The following MAP2K1 variants were observed in gnomAD, a reference collection of about 807,000 sequenced individuals.
MAP2K1 encodes the protein mitogen-activated protein kinase kinase 1, also known as dual specificity mitogen-activated protein kinase kinase 1.
MAP2K1 carries 16 observed loss-of-function variants against 46.3 expected under a neutral mutation model. That is an observed-to-expected ratio of 0.35 (90% confidence interval 0.23 to 0.52). The LOEUF (loss-of-function observed/expected upper bound fraction) is 0.52, where lower values mean the gene tolerates loss of function less well. MAP2K1 is among the 20% of genes least tolerant of loss of function. The pLI is 0.94. For synonymous variants in MAP2K1, 183 were observed against 185.6 expected, an observed-to-expected ratio of 0.99 and a Z score of 0.11; for missense variants, 263 against 497.1, an observed-to-expected ratio of 0.53 and a Z score of 4.48.
At chr15:66,393,085 G>T (rs1176440939) in intron 1 of MAP2K1, among the ~76,000 whole-genome samples, 1 of 152,144 alleles carries the variant, frequency 6.6e-6, no homozygotes, top group Non-Finnish European at 1.5e-5. Flanking sequence ...TGTTGTGAGA[G>T]AGTTTCCTGT....
chr15:66,449,018 A>C (rs1200539125), intron 5 of MAP2K1, among the ~76,000 whole-genome samples: 2 of 150,818 alleles, frequency 1.3e-5, no homozygotes, highest in African/African-American at 4.9e-5. Context: ...AAAAAAAAAA[A>C]AAAAAAAAAA....
chr15:66,439,174 C>T (rs1245698661), intron 3 of MAP2K1, among the ~76,000 whole-genome samples: 4 of 152,192 alleles, frequency 2.6e-5, no homozygotes, highest in Non-Finnish European at 5.9e-5. Context: ...TTCCCTTGGA[C>T]CTTCTGCTTT....
intron 1 of MAP2K1, among the ~76,000 whole-genome samples, chr15:66,419,507 C>T (rs1330608698): frequency 1.3e-5 from 2 of 149,956 alleles, no homozygotes; most frequent in Admixed American, 6.6e-5. Context: ...GTGACGGGAG[C>T]GAGACTCCAT....
At chr15:66,398,974 T>C (rs972969627) in intron 1 of MAP2K1, among the ~76,000 whole-genome samples, 1 of 152,150 alleles carries the variant, frequency 6.6e-6, no homozygotes, top group Non-Finnish European at 1.5e-5. Context: ...TGTTTCACCA[T>C]GTTGGCCAGG....
intron 5 of MAP2K1, among the ~76,000 whole-genome samples, chr15:66,460,155 G>T (rs573573318): frequency 6.6e-6 from 1 of 152,254 alleles, no homozygotes; most frequent in Non-Finnish European, 1.5e-5. Flanking sequence ...GTGTCAGACT[G>T]CCCTGCCTTA....
intron 1 of MAP2K1, among the ~76,000 whole-genome samples, chr15:66,399,535 T>C (rs763260588): frequency 2.7e-5 from 4 of 150,464 alleles, no homozygotes; most frequent in Admixed American, 6.6e-5. Context: ...CACTGCAGCC[T>C]CACCGTCTGG....
intron 5 of MAP2K1, among the ~76,000 whole-genome samples, chr15:66,462,603 GAA>G (rs56063254): frequency 8.3e-4 from 123 of 148,638 alleles, no homozygotes; most frequent in East Asian, 1.4e-3. Context: ...AGATTTTTCT[GAA>G]AAAAAAAAAT....
chr15:66,396,919 A>T (rs1595837548), intron 1 of MAP2K1, among the ~76,000 whole-genome samples: 1 of 149,512 alleles, frequency 6.7e-6, no homozygotes, highest in African/African-American at 2.5e-5. Context: ...TCCTGACCTC[A>T]GTTGATCTGC....
chr15:66,443,742 G>A (rs1054605244), intron 4 of MAP2K1, among the ~76,000 whole-genome samples: 5 of 151,952 alleles, frequency 3.3e-5, no homozygotes, highest in African/African-American at 1.2e-4. Context: ...GCGTGGTGGT[G>A]CACACGTGTA....
intron 1 of MAP2K1, chr15:66,414,893 A>G (rs931709833): frequency 3.9e-5 from 13 of 333,356 alleles, no homozygotes; most frequent in African/African-American, 2.7e-4. Flanking sequence ...GGCTCGGGCC[A>G]AGAAGGTCAT....
chr15:66,461,032 T>C (rs1301569234), intron 5 of MAP2K1, among the ~76,000 whole-genome samples: 1 of 152,172 alleles, frequency 6.6e-6, no homozygotes, highest in Non-Finnish European at 1.5e-5. Flanking sequence ...AGGCTGGGGC[T>C]GCCCTTTCCT....
chr15:66,413,911 C>CTTTT (rs10649963), intron 1 of MAP2K1, among the ~76,000 whole-genome samples: 93 of 111,406 alleles, frequency 8.3e-4, no homozygotes, highest in East Asian at 4.8e-3. Context: ...TCTTCTTCTT[C>CTTTT]TTTTTTTTTT....
At chr15:66,458,186 A>G (rs35381196) in intron 5 of MAP2K1, among the ~76,000 whole-genome samples, 8,546 of 152,168 alleles carry the variant, frequency 0.056, 343 homozygotes, top group Middle Eastern at 0.11. Context: ...GTTGGAGGTG[A>G]AGAGGGCGCT....
chr15:66,412,582 G>T (rs1304701648), intron 1 of MAP2K1, among the ~76,000 whole-genome samples: 1 of 152,130 alleles, frequency 6.6e-6, no homozygotes, highest in Admixed American at 6.5e-5. Context: ...CACATAATTG[G>T]TAATTTGGCC....
chr15:66,403,597 A>G (rs572409699), intron 1 of MAP2K1, among the ~76,000 whole-genome samples: 1 of 152,308 alleles, frequency 6.6e-6, no homozygotes, highest in African/African-American at 2.4e-5. Context: ...AAATGCATTT[A>G]CTTTTCAGAC....
chr15:66,432,401 G>A (rs2093477018), intron 1 of MAP2K1, among the ~76,000 whole-genome samples: 2 of 152,224 alleles, frequency 1.3e-5, no homozygotes, highest in South Asian at 2.1e-4. Context: ...CCTCCAGAAG[G>A]TGTAAGAATT....
At chr15:66,478,912 C>A (rs1323633201) in intron 5 of MAP2K1, among the ~76,000 whole-genome samples, 2 of 152,180 alleles carry the variant, frequency 1.3e-5, no homozygotes, top group Non-Finnish European at 2.9e-5. Context: ...ACTGCCCACA[C>A]AGAGCCCACA....
intron 1 of MAP2K1, among the ~76,000 whole-genome samples, chr15:66,391,043 C>T (rs1245836924): frequency 6.9e-6 from 1 of 144,502 alleles, no homozygotes; most frequent in African/African-American, 2.6e-5. Context: ...TTTGTCATGT[C>T]ACCTGAGCTG....
At chr15:66,470,645 TTGTC>T (rs1236460758) in intron 5 of MAP2K1, among the ~76,000 whole-genome samples, 1 of 152,112 alleles carries the variant, frequency 6.6e-6, no homozygotes, top group Non-Finnish European at 1.5e-5. Context: ...CGTCAGCAAA[TTGTC>T]TGATTGGTTT....
Sources: allele counts gnomAD v4.1 joint callset (sites outside exome capture counted in the v4.1 genomes callset), GRCh38; gene constraint gnomAD v4.1.1; transcripts MANE v1.5; gene names NCBI Gene and HGNC (gene_info 2026-07-23, HGNC 2026-07-21).